The following CYSTM1 variants were observed in gnomAD, a reference collection of about 807,000 sequenced individuals.
The protein encoded by CYSTM1 is cysteine-rich transmembrane module-containing protein 1.
In CYSTM1, 4 loss-of-function variants were observed where a neutral mutation model predicts 13.1. That is an observed-to-expected ratio of 0.31 (90% CI 0.15 to 0.70). The LOEUF (loss-of-function observed/expected upper bound fraction) is 0.70. Among genes scored for constraint, CYSTM1 ranks in the 30% least tolerant of loss-of-function variants. The pLI is 0.72. For missense variants in CYSTM1, 96 were observed against 121.6 expected, an observed-to-expected ratio of 0.79 and a Z score of 0.99; for synonymous variants, 36 against 42.7, an observed-to-expected ratio of 0.84 and a Z score of 0.62.
chr5:140,238,685 G>C (rs1178763497), intron 2 of CYSTM1, among the ~76,000 whole-genome samples: 1 of 152,206 alleles, frequency 6.6e-6, no homozygotes, highest in Non-Finnish European at 1.5e-5. Flanking sequence ...GCCGTCTCAT[G>C]GCTGTCTTGA....
chr5:140,214,592 G>A (rs1157804409), intron 2 of CYSTM1, among the ~76,000 whole-genome samples: 1 of 150,846 alleles, frequency 6.6e-6, no homozygotes, highest in East Asian at 1.9e-4. Flanking sequence ...CCCAGGAGCA[G>A]CCTGGTTTTC....
intron 2 of CYSTM1, among the ~76,000 whole-genome samples, chr5:140,221,980 C>T (rs1764497627): frequency 6.6e-6 from 1 of 152,226 alleles, no homozygotes; most frequent in Non-Finnish European, 1.5e-5. Flanking sequence ...ATTGTGGAGG[C>T]ACCCTTGTCA....
intron 1 of CYSTM1, among the ~76,000 whole-genome samples, chr5:140,177,773 T>C (rs1457881630): frequency 2.0e-5 from 3 of 152,220 alleles, no homozygotes. Context: ...AGCTTGTTAA[T>C]ATTAAGAATC....
intron 1 of CYSTM1, among the ~76,000 whole-genome samples, chr5:140,189,307 T>C (rs1256518753): frequency 6.6e-6 from 1 of 151,918 alleles, no homozygotes; most frequent in African/African-American, 2.4e-5. Context: ...TTTAAAAGAG[T>C]CTGAGATCTC....
At chr5:140,208,385 C>G (rs147043215) in intron 2 of CYSTM1, among the ~76,000 whole-genome samples, 1 of 152,128 alleles carries the variant, frequency 6.6e-6, no homozygotes, top group Admixed American at 6.6e-5. Flanking sequence ...ATCTAAAAAT[C>G]AGAACAATTG....
chr5:140,204,457 C>T (rs1200049551), intron 2 of CYSTM1, among the ~76,000 whole-genome samples: 1 of 152,174 alleles, frequency 6.6e-6, no homozygotes, highest in African/African-American at 2.4e-5. Flanking sequence ...ACAGATTCCA[C>T]AGAAATTCTC....
chr5:140,219,751 G>C lies in CYSTM1; in HGVS notation c.188-23554G>C, dbSNP rs1034308861. Among the ~76,000 whole-genome samples, 1 of 152,186 alleles carries C rather than the reference G, an allele frequency of 6.6e-6. No individual in the cohort carries two copies. Among genetic ancestry groups the C allele is most frequent in the African/African-American group, 2.4e-5 (1 of 41,444 alleles). ...TATGTTCATTAAAAATGATATGGCA[G>C]TGTTTACCTTCTTAGAAAATGCAGC... On this transcript the variant is annotated intron_variant, in intron 2 of 2. Transcript: ENST00000261811. The surrounding 1 kb of genome is among the most constrained non-coding windows in gnomAD (Gnocchi z 4.1).
chr5:140,231,577 TGAAGA>T (rs1764617498), intron 2 of CYSTM1, among the ~76,000 whole-genome samples: 1 of 152,158 alleles, frequency 6.6e-6, no homozygotes, highest in South Asian at 2.1e-4. Flanking sequence ...TACTTCCCTG[TGAAGA>T]GAAGAGACAT....
chr5:140,183,644 TG>T (rs1271227580), intron 1 of CYSTM1, among the ~76,000 whole-genome samples: 2 of 152,324 alleles, frequency 1.3e-5, no homozygotes, highest in Non-Finnish European at 2.9e-5. Context: ...CCCAGCAGTA[TG>T]GGGAAGGTAT....
intron 2 of CYSTM1, among the ~76,000 whole-genome samples, chr5:140,196,279 G>T (rs1764158968): frequency 6.6e-6 from 1 of 152,256 alleles, no homozygotes; most frequent in East Asian, 1.9e-4. Flanking sequence ...CTGTACTGTT[G>T]TTCCTCTCCT....
chr5:140,220,344 C>T (rs914344774), intron 2 of CYSTM1, among the ~76,000 whole-genome samples: 8 of 152,102 alleles, frequency 5.3e-5, no homozygotes, highest in African/African-American at 1.9e-4. Flanking sequence ...AGATGATGCC[C>T]ATTTCTTGGT....
At position 140,239,689 on chromosome 5, in the gene CYSTM1, G is replaced by A. The variant is rs1050313812; in HGVS notation, c.188-3616G>A. ...TGTGCTCACGCACCTCTCCCTGCACGTTCCCCACCCCACACTTGTGTTTGC... is the reference window on the plus strand; with the variant it reads ...TGTGCTCACGCACCTCTCCCTGCACATTCCCCACCCCACACTTGTGTTTGC... On this transcript the variant is annotated intron_variant, in intron 2 of 2. Transcript: ENST00000261811. The surrounding 1 kb of genome is among the most constrained non-coding windows in gnomAD (Gnocchi z 5.4). Among the ~76,000 whole-genome samples the A allele has an allele frequency of 6.6e-6, 1 of 152,224 alleles. No individual in the cohort carries two copies. Among genetic ancestry groups the A allele is most frequent in the Non-Finnish European group, 1.5e-5 (1 of 68,048 alleles).
chr5:140,234,991 T>A (rs1487607918), intron 2 of CYSTM1, among the ~76,000 whole-genome samples: 3 of 147,228 alleles, frequency 2.0e-5, no homozygotes, highest in Admixed American at 1.4e-4. Context: ...TTTTTTGAGA[T>A]GGAGTCTCAC....
chr5:140,178,921 T>G (rs555714801), intron 1 of CYSTM1, among the ~76,000 whole-genome samples: 1 of 152,046 alleles, frequency 6.6e-6, no homozygotes, highest in African/African-American at 2.4e-5. Context: ...GTTTTTTGTT[T>G]TGTTTGGCTT....
rs1223326949 is a variant in CYSTM1 at position 140,219,249 on chromosome 5, T to A, written c.188-24056T>A. Among the ~76,000 whole-genome samples, 2 of 152,192 alleles carry A rather than the reference T, an allele frequency of 1.3e-5. No individual in the cohort carries two copies. Among genetic ancestry groups the A allele is most frequent in the African/African-American group, 4.8e-5 (2 of 41,452 alleles). On this transcript the variant is annotated intron_variant, in intron 2 of 2. Transcript: ENST00000261811. This position sits in a 1 kb window ranked among gnomAD's most constrained non-coding sequence, Gnocchi z 4.1. ...GATTTTCAGGACCATTTGCCCTTGA[T>A]TCTAGGTGGATGTCAGCTTGTGTTA...
intron 1 of CYSTM1, among the ~76,000 whole-genome samples, chr5:140,184,605 A>T (rs1406320110): frequency 6.6e-6 from 1 of 152,222 alleles, no homozygotes; most frequent in African/African-American, 2.4e-5. Context: ...ATGGGACACC[A>T]ATACCTGGTG....
chr5:140,180,848 T>C (rs1457182898), intron 1 of CYSTM1, among the ~76,000 whole-genome samples: 1 of 152,212 alleles, frequency 6.6e-6, no homozygotes, highest in African/African-American at 2.4e-5. Context: ...TTGATGGTCA[T>C]GGTGGGAGGA....
At chr5:140,203,815 G>T (rs1764258261) in intron 2 of CYSTM1, among the ~76,000 whole-genome samples, 2 of 152,118 alleles carry the variant, frequency 1.3e-5, no homozygotes, top group Admixed American at 1.3e-4. Flanking sequence ...GTCCTCACAT[G>T]ATCATCTGGG....
At chr5:140,241,554 G>T (rs1764748996) in intron 2 of CYSTM1, among the ~76,000 whole-genome samples, 1 of 152,258 alleles carries the variant, frequency 6.6e-6, no homozygotes, top group Admixed American at 6.5e-5. Flanking sequence ...TTCCAGAGCT[G>T]GCAGGGGAGG....
Sources: gnomAD v4.1 joint callset for allele counts (sites outside exome capture counted in the v4.1 genomes callset) on GRCh38, gnomAD v4.1.1 for gene constraint, Gnocchi (gnomAD v3.1) non-coding constraint, MANE v1.5 for transcripts, NCBI Gene and HGNC (gene_info 2026-07-23, HGNC 2026-07-21) for gene names.